CNTN4: variants seen among roughly 807,000 people sequenced by gnomAD.
CNTN4 encodes the protein contactin-4.
A neutral mutation model predicts 122.5 loss-of-function variants in CNTN4; 77 were observed. That is an observed-to-expected ratio of 0.63 (90% CI 0.52 to 0.76). CNTN4 has a LOEUF of 0.76. Among genes scored for constraint, CNTN4 ranks in the 30% least tolerant of loss-of-function variants. The pLI is 0.00. For synonymous variants in CNTN4, 512 were observed against 447.0 expected (o/e 1.15, Z -1.83); for missense variants, 1,256 against 1,259.1 (o/e 1.00, Z 0.04).
intron 3 of CNTN4, among the ~76,000 whole-genome samples, chr3:2,527,445 T>C (rs1396285995): frequency 7.3e-6 from 1 of 136,656 alleles, no homozygotes; most frequent in Non-Finnish European, 1.7e-5. Context: ...GTTGCTGTTA[T>C]TGTTGCTGCG....
At chr3:2,424,298 G>C (rs764593357) in intron 3 of CNTN4, among the ~76,000 whole-genome samples, 1 of 139,298 alleles carries the variant, frequency 7.2e-6, no homozygotes, top group Non-Finnish European at 1.5e-5. Context: ...TCCCACCTAT[G>C]AGTGAGAACA....
intron 3 of CNTN4, among the ~76,000 whole-genome samples, chr3:2,557,807 C>T (rs182953980): frequency 4.6e-5 from 7 of 151,340 alleles, no homozygotes; most frequent in East Asian, 3.9e-4. Flanking sequence ...TACGTTTGAC[C>T]GTTCAGCAGT....
intron 2 of CNTN4, among the ~76,000 whole-genome samples, chr3:2,240,562 A>G (rs931721315): frequency 1.3e-5 from 2 of 152,132 alleles, no homozygotes; most frequent in East Asian, 3.8e-4. Flanking sequence ...TTTTTAATAT[A>G]TTAGAGTAAA....
chr3:2,577,026 C>G (rs1324175912), intron 4 of CNTN4, among the ~76,000 whole-genome samples: 2 of 152,246 alleles, frequency 1.3e-5, no homozygotes, highest in Non-Finnish European at 2.9e-5. Context: ...ATGCCTCTGT[C>G]TCCTGTCCTT....
At chr3:2,899,269 C>A (rs2094147270) in intron 10 of CNTN4, among the ~76,000 whole-genome samples, 1 of 152,164 alleles carries the variant, frequency 6.6e-6, no homozygotes, top group Non-Finnish European at 1.5e-5. Flanking sequence ...GTAGCAATTT[C>A]CTTTTGAATT....
intron 2 of CNTN4, among the ~76,000 whole-genome samples, chr3:2,159,211 C>A (rs2035850168): frequency 1.3e-5 from 2 of 152,130 alleles, no homozygotes; most frequent in Admixed American, 6.5e-5. Context: ...AGAATATTTT[C>A]ATTTTCAGTA....
intron 3 of CNTN4, among the ~76,000 whole-genome samples, chr3:2,500,210 G>A (rs1385127209): frequency 6.6e-6 from 1 of 152,060 alleles, no homozygotes; most frequent in Admixed American, 6.6e-5. Context: ...AATACCAGGA[G>A]TTTAAAATGC....
At chr3:2,683,419 G>C (rs574638760) in intron 4 of CNTN4, among the ~76,000 whole-genome samples, 1 of 151,640 alleles carries the variant, frequency 6.6e-6, no homozygotes, top group African/African-American at 2.4e-5. Flanking sequence ...CCTGATACTA[G>C]TTTTCAATGA....
intron 2 of CNTN4, among the ~76,000 whole-genome samples, chr3:2,284,565 G>T (rs1310796299): frequency 2.0e-5 from 3 of 151,956 alleles, no homozygotes; most frequent in African/African-American, 7.2e-5. Flanking sequence ...TAATTTCAAG[G>T]AATTTATAAT....
intron 2 of CNTN4, among the ~76,000 whole-genome samples, chr3:2,309,402 G>T (rs1232718183): frequency 6.6e-6 from 1 of 152,092 alleles, no homozygotes; most frequent in Admixed American, 6.6e-5. Context: ...TTTTTTAAAA[G>T]CCAGTGTATA....
intron 13 of CNTN4, among the ~76,000 whole-genome samples, chr3:2,933,567 G>A (rs1275998301): frequency 6.6e-6 from 1 of 152,134 alleles, no homozygotes; most frequent in Non-Finnish European, 1.5e-5. Flanking sequence ...TAGTGAGTTT[G>A]GAGTCCCAAG....
chr3:2,195,156 A>T (rs9883256), intron 2 of CNTN4, among the ~76,000 whole-genome samples: 105,446 of 151,724 alleles, frequency 0.69, 37,712 homozygotes, highest in South Asian at 0.83. Flanking sequence ...TTCCACGTGT[A>T]AGTGAGATCA....
chr3:2,850,113 C>T (rs1032671145), intron 7 of CNTN4, among the ~76,000 whole-genome samples: 2 of 151,884 alleles, frequency 1.3e-5, no homozygotes, highest in African/African-American at 4.8e-5. Flanking sequence ...CCTCAGCCTC[C>T]CGAATAGCTG....
At chr3:2,601,145 G>A (rs1353654037) in intron 4 of CNTN4, among the ~76,000 whole-genome samples, 1 of 152,126 alleles carries the variant, frequency 6.6e-6, no homozygotes, top group Non-Finnish European at 1.5e-5. Context: ...CTCCCATTCT[G>A]TAGGTTGCCT....
chr3:2,667,244 C>T (rs1323799761), intron 4 of CNTN4, among the ~76,000 whole-genome samples: 1 of 152,166 alleles, frequency 6.6e-6, no homozygotes, highest in African/African-American at 2.4e-5. Context: ...ACATCCTCTC[C>T]AGCACCTGCT....
intron 4 of CNTN4, among the ~76,000 whole-genome samples, chr3:2,667,353 AT>A (rs1312950729): frequency 5.9e-5 from 9 of 152,092 alleles, no homozygotes; most frequent in South Asian, 4.1e-4. Context: ...GATAATGAGC[AT>A]TTTTTCATGT....
intron 3 of CNTN4, among the ~76,000 whole-genome samples, chr3:2,377,563 G>T (rs2045867229): frequency 6.6e-6 from 1 of 152,160 alleles, no homozygotes; most frequent in African/African-American, 2.4e-5. Context: ...TAAGATTTGA[G>T]TTTCTTTTAA....
chr3:2,241,429 C>T (rs2039935643), intron 2 of CNTN4, among the ~76,000 whole-genome samples: 1 of 152,148 alleles, frequency 6.6e-6, no homozygotes, highest in South Asian at 2.1e-4. Flanking sequence ...CTTATTATCA[C>T]TTGCCATTTC....
chr3:2,794,449 A>G (rs1215783044), intron 6 of CNTN4, among the ~76,000 whole-genome samples: 1 of 152,234 alleles, frequency 6.6e-6, no homozygotes, highest in African/African-American at 2.4e-5. Context: ...TCTCTTGATA[A>G]TAAATCCCTT....
Sources: allele counts gnomAD v4.1 joint callset (sites outside exome capture counted in the v4.1 genomes callset), GRCh38; gene constraint gnomAD v4.1.1; transcripts MANE v1.5; gene names NCBI Gene and HGNC (gene_info 2026-07-23, HGNC 2026-07-21).